Variants in BCAT1 observed in about 807,000 individuals in gnomAD.
BCAT1 encodes the protein branched-chain-amino-acid aminotransferase, cytosolic.
A neutral mutation model predicts 52.4 loss-of-function variants in BCAT1; 48 were observed. The ratio of observed to expected loss-of-function variants is 0.92; its 90% CI spans 0.73 to 1.16. The LOEUF (loss-of-function observed/expected upper bound fraction) is 1.16, where lower values mean the gene tolerates loss of function less well. Among genes scored for constraint, BCAT1 ranks in the 50% most tolerant of loss-of-function variants. BCAT1 has a pLI of 0.00. For synonymous variants in BCAT1, 167 were observed against 161.3 expected (o/e 1.04, Z -0.27); for missense variants, 451 against 457.1 (o/e 0.99, Z 0.12).
At chr12:24,874,291 G>T (rs1326829894) in intron 5 of BCAT1, among the ~76,000 whole-genome samples, 1 of 152,132 alleles carries the variant, frequency 6.6e-6, no homozygotes, top group Admixed American at 6.5e-5. Flanking sequence ...TCCAGCCTGG[G>T]CAACCAAGCG....
chr12:24,853,915 A>C (rs1175207767), intron 5 of BCAT1, among the ~76,000 whole-genome samples: 1 of 152,250 alleles, frequency 6.6e-6, no homozygotes, highest in Non-Finnish European at 1.5e-5. Context: ...GAAACATAAA[A>C]TTTCAAATGC....
intron 6 of BCAT1, among the ~76,000 whole-genome samples, chr12:24,846,902 C>T (rs1260292455): frequency 6.6e-6 from 1 of 152,170 alleles, no homozygotes; most frequent in Non-Finnish European, 1.5e-5. Context: ...CTAAAAACAA[C>T]CCTAGACTTT....
At chr12:24,830,984 C>T (rs1167021761) in intron 9 of BCAT1, among the ~76,000 whole-genome samples, 2 of 152,152 alleles carry the variant, frequency 1.3e-5, no homozygotes, top group Non-Finnish European at 2.9e-5. Flanking sequence ...AATTTGAAAA[C>T]CAGTGGAGTT....
intron 1 of BCAT1, among the ~76,000 whole-genome samples, chr12:24,935,704 G>GAAAA (rs1943742365): frequency 6.6e-6 from 1 of 152,138 alleles, no homozygotes; most frequent in Admixed American, 6.5e-5. Flanking sequence ...AACAGCAAGA[G>GAAAA]AAAACCAGGC....
intron 5 of BCAT1, among the ~76,000 whole-genome samples, chr12:24,872,433 T>C (rs547174880): frequency 4.4e-4 from 67 of 152,306 alleles, no homozygotes; most frequent in African/African-American, 1.5e-3. Context: ...TCCCAGGAAG[T>C]TGCAAATGGG....
chr12:24,847,229 G>C (rs1262933536), intron 6 of BCAT1, among the ~76,000 whole-genome samples: 4 of 152,100 alleles, frequency 2.6e-5, no homozygotes, highest in Non-Finnish European at 5.9e-5. Flanking sequence ...AGCAGTTTTA[G>C]GTTCCCACCA....
chr12:24,893,540 C>T (rs1252245487), intron 3 of BCAT1, among the ~76,000 whole-genome samples: 1 of 152,140 alleles, frequency 6.6e-6, no homozygotes, highest in Non-Finnish European at 1.5e-5. Flanking sequence ...GAACATAATA[C>T]AGAACGTATT....
chr12:24,824,020 A>T (rs1397753023), intron 10 of BCAT1, among the ~76,000 whole-genome samples: 2 of 152,136 alleles, frequency 1.3e-5, no homozygotes, highest in Non-Finnish European at 2.9e-5. Context: ...GTTTGAATGC[A>T]CATATTTTGT....
intron 5 of BCAT1, among the ~76,000 whole-genome samples, chr12:24,863,860 G>A (rs59608498): frequency 0.04 from 6,091 of 152,172 alleles, 393 homozygotes; most frequent in African/African-American, 0.14. Context: ...GAGCCCAGCA[G>A]GTCAAAGCTG....
At position 24,849,907 on chromosome 12, in the gene BCAT1, C is replaced by A. The variant is rs1283483677; in HGVS notation, c.553G>T (p.Val185Leu). 1 of 1,613,280 alleles carries A rather than the reference C, an allele frequency of 6.2e-7. No homozygotes were observed. The highest frequency in any genetic ancestry group is 1.3e-5 in the African/African-American group (1 of 75,014). ...VKKPTKALLF[V>L]LLSPVGPYFS... Reference sequence around the variant, plus strand: ...TAAGGTCCCACTGGGCTCAAGAGTACAAAGAGCAGGGCTTTGGTAGGCTTC... The same window carrying A: ...TAAGGTCCCACTGGGCTCAAGAGTAAAAAGAGCAGGGCTTTGGTAGGCTTC... Residue 185 changes from valine to leucine, a missense_variant, in exon 6 of 11, where the codon GTA (valine) becomes TTA (leucine). By Grantham distance (32) the Val-to-Leu change is conservative (BLOSUM62 1). Transcript: ENST00000261192.
intron 1 of BCAT1, among the ~76,000 whole-genome samples, chr12:24,924,445 C>G (rs1943550329): frequency 1.3e-5 from 2 of 152,100 alleles, no homozygotes; most frequent in South Asian, 4.1e-4. Flanking sequence ...ATGGTGGCGA[C>G]CACCTTCACC....
At chr12:24,828,083 C>T (rs1245869177) in intron 10 of BCAT1, among the ~76,000 whole-genome samples, 1 of 152,130 alleles carries the variant, frequency 6.6e-6, no homozygotes, top group Non-Finnish European at 1.5e-5. Context: ...ACCCAAGGAC[C>T]TCCATTGCTC....
At chr12:24,948,871 CG>C in intron 1 of BCAT1, 55 bp downstream of exon 1, 3 of 1,565,088 alleles carry the variant, frequency 1.9e-6, no homozygotes, top group Non-Finnish European at 1.7e-6. Context: ...GAGAAATCGC[CG>C]GTTCGATTCA....
chr12:24,909,643 A>G (rs1241930785), intron 1 of BCAT1, among the ~76,000 whole-genome samples: 3 of 152,120 alleles, frequency 2.0e-5, no homozygotes, highest in East Asian at 3.9e-4. Flanking sequence ...GCAGCTGCCA[A>G]CACTTCAATC....
chr12:24,929,078 G>A (rs746584491), intron 1 of BCAT1, among the ~76,000 whole-genome samples: 1 of 152,034 alleles, frequency 6.6e-6, no homozygotes, highest in Non-Finnish European at 1.5e-5. Flanking sequence ...TGTTAAATAT[G>A]CCTTTCTCAA....
intron 1 of BCAT1, among the ~76,000 whole-genome samples, chr12:24,913,292 C>T (rs1008496655): frequency 6.6e-6 from 1 of 152,066 alleles, no homozygotes; most frequent in African/African-American, 2.4e-5. Context: ...ATAAAAACAC[C>T]ACAAGGAAGC....
intron 7 of BCAT1, among the ~76,000 whole-genome samples, chr12:24,840,347 T>TA (rs1249276422): frequency 2.0e-5 from 3 of 152,036 alleles, no homozygotes; most frequent in Non-Finnish European, 4.4e-5. Flanking sequence ...GGGGTGGGGG[T>TA]AAGAGTGGGC....
chr12:24,836,906 GAGAGAA>G (rs3044337), intron 7 of BCAT1, among the ~76,000 whole-genome samples: 14,329 of 76,116 alleles, frequency 0.19, 2,329 homozygotes, highest in Admixed American at 0.23. Context: ...AGAAAAGAAA[GAGAGAA>G]AGAAAGAAAG....
intron 1 of BCAT1, among the ~76,000 whole-genome samples, chr12:24,926,020 G>C (rs902599554): frequency 6.6e-6 from 1 of 152,170 alleles, no homozygotes; most frequent in Non-Finnish European, 1.5e-5. Flanking sequence ...ACCCCATCTG[G>C]GAAGTGAGGA....
Sources: allele counts gnomAD v4.1 joint callset (sites outside exome capture counted in the v4.1 genomes callset), GRCh38; gene constraint gnomAD v4.1.1; transcripts MANE v1.5; gene names NCBI Gene and HGNC (gene_info 2026-07-23, HGNC 2026-07-21).